CLRN1: variants seen among roughly 807,000 people sequenced by gnomAD.
CLRN1 encodes clarin-1.
A neutral mutation model predicts 18.7 loss-of-function variants in CLRN1; 15 were observed. That is an observed-to-expected ratio of 0.80 (90% CI 0.54 to 1.23). The LOEUF is 1.23. Ranked by LOEUF, CLRN1 falls within the 50% of genes most tolerant of loss-of-function variation. The pLI is 0.00. For synonymous variants in CLRN1, 104 were observed against 102.9 expected (o/e 1.01, Z -0.07); for missense variants, 311 against 277.5 (o/e 1.12, Z -0.86).
In CLRN1 at chr3:150,927,505, G is replaced by A; in HGVS notation, c.*431C>T. ...GTTCATTTAATACACTACTGTTTTA[G>A]GAAAGCGATTGCAGCTCAGTTTTCT... On this transcript the variant is annotated 3_prime_UTR_variant, in exon 3 of 3. Transcript: ENST00000327047. 2.2e-6 allele frequency: 1 copy of A among 454,332 alleles called. No homozygotes were observed. Among genetic ancestry groups the A allele is most frequent in the South Asian group, 1.6e-5 (1 of 64,202 alleles). The allele number at this position is 454,332 out of a possible 1,614,324, so 28.1% of individuals were successfully genotyped here. A position where few individuals can be genotyped will look rare whatever the true frequency, so the allele number is the denominator to read the frequency against.
At position 150,929,572 on chromosome 3, in the gene CLRN1, G is replaced by T. The variant is rs146924401; in HGVS notation, c.434-1371C>A. 7.2e-5 allele frequency among the ~76,000 whole-genome samples: 11 copies of T among 152,272 alleles called. No individual in the cohort carries two copies. The East Asian group carries it at 2.1e-3, about 29-fold the overall frequency. ...GGTCTCAATTTCTTCATCTATAAAA[G>T]GTGGCTAATATAAATAAAGCATGAT... On this transcript the variant is annotated intron_variant, in intron 2 of 2. Coordinates refer to ENST00000327047, the MANE Select transcript of CLRN1 (RefSeq NM_174878.3).
At chr3:150,972,734 G>A (rs749644881), upstream of CLRN1, 25 of 1,613,978 alleles carry the variant, frequency 1.5e-5, no homozygotes, top group African/African-American at 2.7e-4. Context: ...CTGTGAGGGC[G>A]AGGTTCAAAA....
chr3:150,955,098 A>G (rs1235356235), intron 1 of CLRN1, among the ~76,000 whole-genome samples: 1 of 152,252 alleles, frequency 6.6e-6, no homozygotes, highest in African/African-American at 2.4e-5. Flanking sequence ...AATAACTCGG[A>G]TAGATCTTAA....
At position 150,941,178 on chromosome 3, in the gene CLRN1, C is replaced by CATATATATATAT. The variant is rs57988194; in HGVS notation, c.433+392_433+403dup. 3.0e-4 allele frequency among the ~76,000 whole-genome samples: 40 copies of CATATATATATAT among 132,884 alleles called. 1 individual carries two copies. Among genetic ancestry groups the CATATATATATAT allele is most frequent in the South Asian group, 1.5e-3 (6 of 4,054 alleles). 87.2% of individuals were successfully genotyped at this position (132,884 alleles called of 152,430 possible). On this transcript the variant is annotated intron_variant, in intron 2 of 2. Transcript: ENST00000327047. ...TATCTATCTATCTATCTATCTCTTT[C>CATATATATATAT]ATATATATATATATATAGCCCCCAT...
chr3:150,965,188 T>A (rs1715208818), intron 1 of CLRN1, among the ~76,000 whole-genome samples: 1 of 152,194 alleles, frequency 6.6e-6, no homozygotes, highest in Non-Finnish European at 1.5e-5. Flanking sequence ...CATATGAATT[T>A]GAATCCCAAG....
chr3:150,926,778 G>A lies in CLRN1; in HGVS notation c.*1158C>T, dbSNP rs1173789502. The A allele has an allele frequency of 3.7e-6, 6 of 1,613,650 alleles. No homozygotes were observed. The South Asian group carries it at 6.6e-5, about 18-fold the overall frequency. On this transcript the variant is annotated 3_prime_UTR_variant, in exon 3 of 3. Coordinates refer to ENST00000327047, the MANE Select transcript of CLRN1 (RefSeq NM_174878.3). ...TCAGAGGCCTAGTGATCTGTTTGCT[G>A]TCATTCTCTGCTTTTTCCTTGGTGC...
At chr3:150,941,820 T>G in intron 1 of CLRN1, 59 bp from the exon 2 acceptor site, 1 of 1,447,530 alleles carries the variant, frequency 6.9e-7, no homozygotes. Context: ...TCTGCAAGTA[T>G]AATTTTAAAA....
At chr3:150,941,462 A>G in intron 2 of CLRN1, 120 bp downstream of exon 2, 1 of 1,020,360 alleles carries the variant, frequency 9.8e-7, no homozygotes, top group South Asian at 1.4e-5. Flanking sequence ...GTTATTATGT[A>G]TAATACTACA....
At chr3:150,960,683 G>A (rs899564977) in intron 1 of CLRN1, among the ~76,000 whole-genome samples, 15 of 152,216 alleles carry the variant, frequency 9.9e-5, no homozygotes, top group African/African-American at 3.6e-4. Flanking sequence ...ATGATCTTTG[G>A]ACTGATAACA....
At chr3:150,951,934 C>T (rs1236635709) in intron 1 of CLRN1, among the ~76,000 whole-genome samples, 1 of 152,190 alleles carries the variant, frequency 6.6e-6, no homozygotes, top group Non-Finnish European at 1.5e-5. Context: ...TCCCACCAGG[C>T]CCCACCTCCA....
At chr3:150,958,299 C>G (rs775008572) in intron 1 of CLRN1, among the ~76,000 whole-genome samples, 7 of 152,102 alleles carry the variant, frequency 4.6e-5, no homozygotes, top group Non-Finnish European at 1.5e-5. Flanking sequence ...GGAAATATTT[C>G]CCTTCCTTTC....
chr3:150,966,007 T>G (rs1715240965), intron 1 of CLRN1, among the ~76,000 whole-genome samples: 1 of 152,218 alleles, frequency 6.6e-6, no homozygotes, highest in African/African-American at 2.4e-5. Flanking sequence ...TCTGCCAAGT[T>G]CCTCTTCTGG....
intron 1 of CLRN1, among the ~76,000 whole-genome samples, chr3:150,961,017 C>A (rs1715000386): frequency 6.6e-6 from 1 of 152,242 alleles, no homozygotes; most frequent in African/African-American, 2.4e-5. Flanking sequence ...CAGTTTCTTA[C>A]TGAAAATTCA....
At position 150,927,708 on chromosome 3, in the gene CLRN1, G is replaced by A. The variant is rs1213439993; in HGVS notation, c.*228C>T. The A allele has an allele frequency of 4.5e-6, 3 of 668,772 alleles. No homozygotes were observed. The South Asian group carries it at 4.5e-5, about 10-fold the overall frequency. 41.4% of individuals were successfully genotyped at this position (668,772 alleles called of 1,614,324 possible). ...TTGTCGATTCTAGTCAACTGCCTTT[G>A]ACTACCTGGGTCAAGCAATTTCCCA... On this transcript the variant is annotated 3_prime_UTR_variant, in exon 3 of 3. Coordinates refer to ENST00000327047, the MANE Select transcript of CLRN1 (RefSeq NM_174878.3).
intron 1 of CLRN1, among the ~76,000 whole-genome samples, chr3:150,947,079 T>C (rs1714216316): frequency 6.6e-6 from 1 of 152,050 alleles, no homozygotes; most frequent in Admixed American, 6.6e-5. Flanking sequence ...GTTAATGGTG[T>C]TGTGGTTGCG....
At chr3:150,945,443 A>AG (rs1263532198) in intron 1 of CLRN1, 1 of 1,177,174 alleles carries the variant, frequency 8.5e-7, no homozygotes. Context: ...ACATGCTGGA[A>AG]GGGGGCCAGG....
intron 2 of CLRN1, among the ~76,000 whole-genome samples, chr3:150,934,013 C>T (rs1713313012): frequency 6.6e-6 from 1 of 152,164 alleles, no homozygotes; most frequent in African/African-American, 2.4e-5. Flanking sequence ...TCCTCAGGCT[C>T]TGCGGCTTTG....
At chr3:150,954,690 G>A (rs996788266) in intron 1 of CLRN1, among the ~76,000 whole-genome samples, 2 of 152,136 alleles carry the variant, frequency 1.3e-5, no homozygotes, top group African/African-American at 2.4e-5. Flanking sequence ...CCTAATGCAA[G>A]GTCACAAATA....
chr3:150,956,964 CT>C (rs1714768477), intron 1 of CLRN1, among the ~76,000 whole-genome samples: 2 of 152,262 alleles, frequency 1.3e-5, no homozygotes, highest in South Asian at 4.1e-4. Context: ...AAAGGTGAGG[CT>C]ATCATGGAAT....
Sources: gnomAD v4.1 joint callset for allele counts (sites outside exome capture counted in the v4.1 genomes callset) on GRCh38, gnomAD v4.1.1 for gene constraint, MANE v1.5 for transcripts, NCBI Gene and HGNC (gene_info 2026-07-23, HGNC 2026-07-21) for gene names.